TSHZ2: variants seen among roughly 807,000 people sequenced by gnomAD.
TSHZ2 encodes the protein teashirt zinc finger homeobox 2, also known as teashirt homolog 2.
In TSHZ2, 21 loss-of-function variants were observed where a neutral mutation model predicts 74.4. That is an observed-to-expected ratio of 0.28 (90% CI 0.20 to 0.41). The LOEUF (loss-of-function observed/expected upper bound fraction) is 0.41. TSHZ2 is among the 10% of genes least tolerant of loss of function. The pLI, the probability that TSHZ2 is intolerant of heterozygous loss-of-function variation, is 1.00. For missense variants in TSHZ2, 1,244 were observed against 1,293.5 expected (o/e 0.96, Z 0.59); for synonymous variants, 540 against 515.3 (o/e 1.05, Z -0.65).
At chr20:53,484,829 GTTATGA>G (rs1378031277) in intron 2 of TSHZ2, among the ~76,000 whole-genome samples, 1 of 152,122 alleles carries the variant, frequency 6.6e-6, no homozygotes, top group Non-Finnish European at 1.5e-5. Context: ...TCAAATGTCT[GTTATGA>G]TTATCTTGTG....
Position 53,128,409 on chromosome 20 carries a change from T to A in TSHZ2, c.41-125090T>A, listed in dbSNP as rs542916181. 7.7e-4 allele frequency among the ~76,000 whole-genome samples: 117 copies of A among 152,316 alleles called. 1 individual carries two copies. Among genetic ancestry groups the A allele is most frequent in the African/African-American group, 2.7e-3 (112 of 41,564 alleles). ...TCCGTACCTGCTTCACTGGGGCCAGTGAATTTGGTGTTTGTTGTTGTTGTT... is the reference window on the plus strand; with the variant it reads ...TCCGTACCTGCTTCACTGGGGCCAGAGAATTTGGTGTTTGTTGTTGTTGTT... On this transcript the variant is annotated intron_variant, in intron 1 of 2. Transcript: ENST00000371497.
At chr20:53,065,257 AATT>A (rs1296232375) in intron 1 of TSHZ2, among the ~76,000 whole-genome samples, 2 of 152,202 alleles carry the variant, frequency 1.3e-5, no homozygotes, top group Non-Finnish European at 2.9e-5. Context: ...TATTATTACA[AATT>A]ATTGTTGTCG....
At chr20:53,303,574 A>G (rs1190973817) in intron 2 of TSHZ2, among the ~76,000 whole-genome samples, 1 of 152,194 alleles carries the variant, frequency 6.6e-6, no homozygotes, top group Non-Finnish European at 1.5e-5. Context: ...ACTCCCACCC[A>G]TCTTGAAATC....
At chr20:53,182,210 AC>A (rs1234001029) in intron 1 of TSHZ2, among the ~76,000 whole-genome samples, 23 of 83,614 alleles carry the variant, frequency 2.8e-4, no homozygotes, top group African/African-American at 9.7e-4. Flanking sequence ...TCTCTTCCTC[AC>A]TCCCTCCTTC....
chr20:53,090,329 C>T (rs1355405974), intron 1 of TSHZ2, among the ~76,000 whole-genome samples: 1 of 152,164 alleles, frequency 6.6e-6, no homozygotes, highest in Non-Finnish European at 1.5e-5. Flanking sequence ...ACAGACACCC[C>T]CAGAAACAAT....
At chr20:53,003,633 T>A (rs997729986) in intron 1 of TSHZ2, among the ~76,000 whole-genome samples, 8 of 152,206 alleles carry the variant, frequency 5.3e-5, no homozygotes, top group Non-Finnish European at 8.8e-5. Context: ...AGTGTTTTCA[T>A]TCTTCCCTAT....
intron 1 of TSHZ2, among the ~76,000 whole-genome samples, chr20:53,107,814 G>A (rs1231750143): frequency 3.3e-5 from 5 of 152,012 alleles, no homozygotes; most frequent in Admixed American, 2.0e-4. Context: ...TTGTTGATTT[G>A]AATTCTTCTA....
chr20:53,309,841 G>T (rs1163205196), intron 2 of TSHZ2, among the ~76,000 whole-genome samples: 1 of 152,144 alleles, frequency 6.6e-6, no homozygotes, highest in African/African-American at 2.4e-5. Context: ...CCTTTAGTGT[G>T]CTCTGTGTAA....
At chr20:53,328,536 A>G (rs1342043677) in intron 2 of TSHZ2, among the ~76,000 whole-genome samples, 1 of 152,258 alleles carries the variant, frequency 6.6e-6, no homozygotes, top group Non-Finnish European at 1.5e-5. Context: ...TAGCCAATAA[A>G]TGATTGAATA....
intron 2 of TSHZ2, among the ~76,000 whole-genome samples, chr20:53,479,839 T>C (rs1475976465): frequency 1.3e-5 from 2 of 152,168 alleles, no homozygotes; most frequent in African/African-American, 4.8e-5. Context: ...AGGCTGAATA[T>C]CTACAATGCA....
At chr20:53,031,799 TACTC>T (rs1489336455) in intron 1 of TSHZ2, among the ~76,000 whole-genome samples, 38 of 152,208 alleles carry the variant, frequency 2.5e-4, no homozygotes, top group Admixed American at 2.5e-3. Context: ...GAGAATATGT[TACTC>T]AAGAGAAAAT....
At chr20:53,304,602 T>A (rs912135825) in intron 2 of TSHZ2, among the ~76,000 whole-genome samples, 3 of 151,454 alleles carry the variant, frequency 2.0e-5, no homozygotes, top group Non-Finnish European at 2.9e-5. Flanking sequence ...AGCAAAGAAC[T>A]ATTAATGAAG....
intron 2 of TSHZ2, among the ~76,000 whole-genome samples, chr20:53,326,155 G>A (rs1029028137): frequency 6.6e-6 from 1 of 152,218 alleles, no homozygotes; most frequent in Non-Finnish European, 1.5e-5. Flanking sequence ...TTTATGCTTT[G>A]AGAATGGGAG....
intron 1 of TSHZ2, among the ~76,000 whole-genome samples, chr20:53,046,130 T>C (rs1219418956): frequency 6.6e-6 from 1 of 152,152 alleles, no homozygotes; most frequent in Non-Finnish European, 1.5e-5. Flanking sequence ...ACAGTGTATC[T>C]GTCAAGGGGG....
At chr20:53,219,219 G>T (rs1489808082) in intron 1 of TSHZ2, among the ~76,000 whole-genome samples, 1 of 152,104 alleles carries the variant, frequency 6.6e-6, no homozygotes, top group Non-Finnish European at 1.5e-5. Flanking sequence ...CCCCATAAAA[G>T]CTGATGTCCT....
chr20:53,241,437 C>G (rs1002691409), intron 1 of TSHZ2, among the ~76,000 whole-genome samples: 7 of 152,084 alleles, frequency 4.6e-5, no homozygotes, highest in African/African-American at 1.7e-4. Context: ...AAATGCTAAT[C>G]CCTTTTATCA....
At chr20:53,340,041 A>G (rs1053151763) in intron 2 of TSHZ2, among the ~76,000 whole-genome samples, 2 of 152,100 alleles carry the variant, frequency 1.3e-5, no homozygotes, top group Non-Finnish European at 2.9e-5. Context: ...CAAAAATTGC[A>G]TCTGTTCAAC....
intron 1 of TSHZ2, among the ~76,000 whole-genome samples, chr20:53,242,871 C>A (rs1227429839): frequency 6.6e-6 from 1 of 152,110 alleles, no homozygotes; most frequent in Non-Finnish European, 1.5e-5. Flanking sequence ...AACACTTGAA[C>A]AAGGTGGGCT....
chr20:53,228,309 G>A (rs1989737108), intron 1 of TSHZ2, among the ~76,000 whole-genome samples: 1 of 152,124 alleles, frequency 6.6e-6, no homozygotes, highest in Non-Finnish European at 1.5e-5. Context: ...ACTTTTTCCA[G>A]CTAAAGTTGT....
Sources: gnomAD v4.1 joint callset for allele counts (sites outside exome capture counted in the v4.1 genomes callset) on GRCh38, gnomAD v4.1.1 for gene constraint, MANE v1.5 for transcripts, NCBI Gene and HGNC (gene_info 2026-07-23, HGNC 2026-07-21) for gene names.